The following CSPG4 variants were observed in gnomAD, a reference collection of about 807,000 sequenced individuals.
CSPG4 encodes the protein chondroitin sulfate proteoglycan 4, also known as chondroitin sulfate proteoglycan 4 (melanoma-associated).
Under a neutral mutation model 139.3 loss-of-function variants are expected in CSPG4, and 74 were observed. The observed-to-expected ratio is 0.53, with a 90% CI of 0.44 to 0.64. The LOEUF (loss-of-function observed/expected upper bound fraction) is 0.64. Among genes scored for constraint, CSPG4 ranks in the 30% least tolerant of loss-of-function variants. The pLI, the probability that CSPG4 is intolerant of heterozygous loss-of-function variation, is 0.00. For synonymous variants in CSPG4, 1,234 were observed against 1,394.2 expected, an observed-to-expected ratio of 0.89 and a Z score of 2.56; for missense variants, 2,565 against 3,148.3, an observed-to-expected ratio of 0.81 and a Z score of 4.43.
intron 1 of CSPG4, among the ~76,000 whole-genome samples, chr15:75,709,741 G>A (rs964436383): frequency 7.9e-5 from 12 of 152,018 alleles, no homozygotes; most frequent in Non-Finnish European, 1.2e-4. Context: ...AGCTCCACAC[G>A]CACCCTACTC....
intron 1 of CSPG4, among the ~76,000 whole-genome samples, chr15:75,710,674 C>T (rs1465424943): frequency 1.3e-5 from 2 of 152,162 alleles, no homozygotes; most frequent in Non-Finnish European, 1.5e-5. Context: ...ACGCCTCATT[C>T]GGATACGGGA....
rs934553944 is a variant in CSPG4, at chr15:75,675,651, G to A, written c.6868C>T (p.Pro2290Ser). The change falls in exon 10 of 10, where the codon CCT becomes TCT. Residue 2290 changes from proline (P) to serine (S), a missense_variant. Pro to Ser is a moderately conservative substitution (Grantham distance 74). Around this residue, in one of 5 missense-constraint regions of CSPG4, gnomAD observed 2,316 missense variants for 2,818.2 expected, o/e 0.82. Coordinates refer to ENST00000308508, the MANE Select transcript of CSPG4 (RefSeq NM_001897.5). The stretch of plus-strand genomic sequence containing the variant: ...CCTCCTGGAGGGGGCCCCTGGCCAG[G>A]CACAGCTGTGAGCGGGATGGCCTGG... ...PGQAIPLTAV[P>S]GQGPPPGGQP... The A allele has an allele frequency of 1.3e-6, 2 of 1,528,560 alleles. No homozygotes were observed. The highest frequency in any genetic ancestry group is 2.8e-5 in the African/African-American group (2 of 72,108). 94.7% of individuals were successfully genotyped at this position (1,528,560 alleles called of 1,614,324 possible).
rs146783786 is a variant in CSPG4 at position 75,687,766 on chromosome 15, C to T, written c.3299G>A (p.Arg1100His). The change falls in exon 3 of 10, where the codon CGT becomes CAT. Residue 1100 changes from arginine to histidine, a missense_variant. This residue lies in a region of CSPG4 where 2,316 missense variants were observed against 2,818.2 expected (regional missense o/e 0.82). Transcript: ENST00000308508. This position sits in a 1 kb window ranked among gnomAD's most constrained non-coding sequence, Gnocchi z 5.4. ...RVLFVHSGAD[R>H]GWIQLQVSDG... ...GGACACCTGCAGCTGGATCCAGCCACGGTCAGCCCCTGAGTGCACGAACAG... is the reference window on the plus strand; with the variant it reads ...GGACACCTGCAGCTGGATCCAGCCATGGTCAGCCCCTGAGTGCACGAACAG... 5.1e-5 allele frequency: 82 copies of T among 1,612,910 alleles called. No individual in the cohort carries two copies. In the South Asian group the frequency reaches 5.2e-4, roughly 10 times the overall value.
Position 75,702,072 on chromosome 15 carries a change from C to T in CSPG4, c.89-8839G>A, listed in dbSNP as rs559678324. Among the ~76,000 whole-genome samples the T allele has an allele frequency of 1.4e-3, 216 of 152,348 alleles. No homozygotes were observed. The Middle Eastern group carries it at 0.031, about 22-fold the overall frequency. On this transcript the variant is annotated intron_variant, in intron 1 of 9. Transcript: ENST00000308508. ...CCTGACTCCCTTTGCTAATAGCAGC[C>T]CCAGTTAACCCAAACTGAAAGCCAC...
intron 1 of CSPG4, among the ~76,000 whole-genome samples, chr15:75,699,372 C>G (rs1459104397): frequency 6.6e-6 from 1 of 152,250 alleles, no homozygotes; most frequent in Non-Finnish European, 1.5e-5. Flanking sequence ...CCAAGGGGGC[C>G]AGGGAGGAAA....
chr15:75,678,715 T>C (rs1893927407), intron 8 of CSPG4: 1 of 456,314 alleles, frequency 2.2e-6, no homozygotes, highest in Non-Finnish European at 4.4e-6. Context: ...TTTGCTTCTC[T>C]TTGCAGCAAA....
Position 75,698,559 on chromosome 15 carries a change from G to A in CSPG4, c.89-5326C>T, listed in dbSNP as rs1894259041. ...ATGGGTGAGTGTGTGCAGGAATGTG[G>A]GTCAGTGTCACATGTACACACGTGT... On this transcript the variant is annotated intron_variant, in intron 1 of 9. Coordinates refer to ENST00000308508, the MANE Select transcript of CSPG4 (RefSeq NM_001897.5). This position sits in a 1 kb window ranked among gnomAD's most constrained non-coding sequence, Gnocchi z 4.3. Among the ~76,000 whole-genome samples, 1 of 152,032 alleles carries A rather than the reference G, an allele frequency of 6.6e-6. No homozygotes were observed. Among genetic ancestry groups the A allele is most frequent in the African/African-American group, 2.4e-5 (1 of 41,382 alleles).
chr15:75,701,432 C>T (rs1894299976), intron 1 of CSPG4, among the ~76,000 whole-genome samples: 3 of 152,204 alleles, frequency 2.0e-5, no homozygotes, highest in Admixed American at 2.0e-4. Context: ...ACCAGGAAAC[C>T]TCAGTGTCCT....
chr15:75,676,816 T>A lies in CSPG4; in HGVS notation c.5703A>T (p.Ser1901=), dbSNP rs766119855. ...CGTTGGCCACGAAGGCCAGCCGCCC[T>A]GAATCCACATCGGCTTGCGTGAAGC... ...VTRFTQADVD[S]GRLAFVANGS... The change falls in exon 10 of 10, where the codon TCA becomes TCT. Residue 1901 remains serine (S), a synonymous_variant. Coordinates refer to ENST00000308508, the MANE Select transcript of CSPG4 (RefSeq NM_001897.5). 5.2e-6 allele frequency: 8 copies of A among 1,546,442 alleles called. No individual in the cohort carries two copies. Among genetic ancestry groups the A allele is most frequent in the Non-Finnish European group, 7.0e-6 (8 of 1,145,734 alleles).
At chr15:75,709,073 C>T (rs749972102) in intron 1 of CSPG4, among the ~76,000 whole-genome samples, 29 of 152,288 alleles carry the variant, frequency 1.9e-4, no homozygotes, top group Admixed American at 1.6e-3. Context: ...TAAGACAGCT[C>T]TGTCCTCTCC....
intron 8 of CSPG4, 38 bp from the exon 9 acceptor site, chr15:75,677,924 A>G (rs754518599): frequency 1.3e-6 from 2 of 1,553,230 alleles, no homozygotes; most frequent in South Asian, 2.3e-5. Context: ...AGGCAGGTCC[A>G]GCCTGTGTTG....
In CSPG4 at chr15:75,678,013, C is replaced by T. The variant is rs113692091; in HGVS notation, c.4951-127G>A. ...TGTGCCCAGGTCTGTGCGTGTGACC[C>T]GCTGTCTCCCTCACTAACTCACTGG... On this transcript the variant is annotated intron_variant, in intron 8 of 9. Transcript: ENST00000308508. 1.3e-4 allele frequency: 99 copies of T among 779,260 alleles called. No homozygotes were observed. The African/African-American group carries it at 1.4e-3, about 11-fold the overall frequency. 48.3% of individuals were successfully genotyped at this position (779,260 alleles called of 1,614,324 possible). A position where few individuals can be genotyped will look rare whatever the true frequency, so the allele number is the denominator to read the frequency against.
chr15:75,683,448 G>A (rs1439572614), intron 5 of CSPG4, among the ~76,000 whole-genome samples: 1 of 152,200 alleles, frequency 6.6e-6, no homozygotes, highest in Non-Finnish European at 1.5e-5. Context: ...GCCTCCGTGT[G>A]TGCCTGGCCG....
intron 1 of CSPG4, among the ~76,000 whole-genome samples, chr15:75,700,103 C>T (rs1165222566): frequency 1.3e-5 from 2 of 152,152 alleles, no homozygotes; most frequent in African/African-American, 4.8e-5. Context: ...GGGCAGTCCT[C>T]CGTGCTAGCC....
chr15:75,683,791 C>T (rs1462112381), intron 5 of CSPG4, among the ~76,000 whole-genome samples: 1 of 152,174 alleles, frequency 6.6e-6, no homozygotes, highest in African/African-American at 2.4e-5. Context: ...TCCTGGGCTT[C>T]CTCCCCCGGC....
Position 75,712,720 on chromosome 15 carries a change from G to T in CSPG4, c.36C>A (p.Pro12=). 1 of 1,561,650 alleles carries T rather than the reference G, an allele frequency of 6.4e-7. No homozygotes were observed. The highest frequency in any genetic ancestry group is 2.4e-5 in the East Asian group (1 of 42,330). Residue 12 remains proline, a synonymous_variant, in exon 1 of 10, where the codon CCC becomes CCA. Transcript: ENST00000308508. The stretch of plus-strand genomic sequence containing the variant: ...TCAGGGTCAAAGCCAAGGCCAGGCC[G>T]GGGGCTGGAAGTGGGGGCCGCGGCC... ...QSGPRPPLPA[P]GLALALTLTM... is the part of the protein sequence containing the mutation.
At chr15:75,679,036 G>C (rs1893934658) in intron 8 of CSPG4, 2 of 330,294 alleles carry the variant, frequency 6.1e-6, no homozygotes, top group Admixed American at 8.8e-5. Flanking sequence ...GCTCTTTTCT[G>C]TCTACAGGCA....
Position 75,688,332 on chromosome 15 carries a change from C to T in CSPG4, c.2733G>A (p.Glu911=). ...VLTNVLLVVP[E]GGEGVLSADH... ...CAGCAGAGAGGACACCCTCACCACC[C>T]TCAGGCACCACGAGGAGGACATTGG... Residue 911 remains glutamate (E), a synonymous_variant, in exon 3 of 10, where the codon GAG becomes GAA. Coordinates refer to ENST00000308508, the MANE Select transcript of CSPG4 (RefSeq NM_001897.5). 1.9e-6 allele frequency: 3 copies of T among 1,613,310 alleles called. No individual in the cohort carries two copies. The highest frequency in any genetic ancestry group is 2.5e-6 in the Non-Finnish European group (3 of 1,180,048).
Position 75,690,455 on chromosome 15 carries a change from G to C in CSPG4, c.610C>G (p.Leu204Val), listed in dbSNP as rs767665974. 6.2e-7 allele frequency: 1 copy of C among 1,607,480 alleles called. No homozygotes were observed. Among genetic ancestry groups the C allele is most frequent in the African/African-American group, 1.3e-5 (1 of 74,792 alleles). Residue 204 changes from leucine to valine, a missense_variant, in exon 3 of 10, where the codon CTG becomes GTG. Leu to Val is a conservative substitution (Grantham distance 32). This residue lies in a region of CSPG4 where 40 missense variants were observed against 89.0 expected (regional missense o/e 0.45). Coordinates refer to ENST00000308508, the MANE Select transcript of CSPG4 (RefSeq NM_001897.5). ...AGAGAGTGGGGCCCAGAGAAGCCCA[G>C]GGCCACATCATCACTGGCAGAAAAC... ...EEFSASDDVA[L>V]GFSGPHSLAA... is the part of the protein sequence containing the mutation.
Sources: gnomAD v4.1 joint callset for allele counts (sites outside exome capture counted in the v4.1 genomes callset) on GRCh38, gnomAD v4.1.1 for gene constraint, gnomAD v4.1.1 regional missense constraint, Gnocchi (gnomAD v3.1) non-coding constraint, MANE v1.5 for transcripts, NCBI Gene and HGNC (gene_info 2026-07-23, HGNC 2026-07-21) for gene names.